The following C4orf50 variants were observed in gnomAD, a reference collection of about 807,000 sequenced individuals.
C4orf50 encodes chromosome 4 open reading frame 50.
C4orf50 carries 80 observed loss-of-function variants against 77.2 expected under a neutral mutation model. That is an observed-to-expected ratio of 1.04 (90% CI 0.87 to 1.25). The LOEUF is 1.25. C4orf50 is among the 50% of genes most tolerant of loss of function. The pLI, the probability that C4orf50 is intolerant of heterozygous loss-of-function variation, is 0.00. For synonymous variants in C4orf50, 532 were observed against 465.3 expected (o/e 1.14, Z -1.84); for missense variants, 1,257 against 1,152.9 (o/e 1.09, Z -1.31).
chr4:5,961,062 C>A (rs115981160), intron 33 of C4orf50, among the ~76,000 whole-genome samples: 3,272 of 152,164 alleles, frequency 0.022, 88 homozygotes, highest in African/African-American at 0.069. Context: ...AGGACAAGGA[C>A]AAGGAACTGA....
chr4:6,010,986 G>C (rs1722472449), intron 24 of C4orf50, among the ~76,000 whole-genome samples: 1 of 152,186 alleles, frequency 6.6e-6, no homozygotes, highest in South Asian at 2.1e-4. Flanking sequence ...GAGAGGTTAA[G>C]TCACTTGCCC....
chr4:6,003,915 G>T (rs1380083819), intron 25 of C4orf50, among the ~76,000 whole-genome samples: 641 of 132,408 alleles, frequency 4.8e-3, no homozygotes, highest in East Asian at 9.5e-3. Context: ...TGATGTTGAT[G>T]ATGGTGGTGA....
At chr4:6,003,591 TTGA>T (rs1217820654) in intron 25 of C4orf50, among the ~76,000 whole-genome samples, 1 of 84,732 alleles carries the variant, frequency 1.2e-5, no homozygotes, top group South Asian at 4.4e-4. Context: ...GATGGTGATG[TTGA>T]TGGTGGTGAT....
At chr4:5,903,248 G>C (rs1163815947) in intron 7 of C4orf50, 1 of 152,260 alleles carries the variant, frequency 6.6e-6, no homozygotes, top group East Asian at 1.9e-4. Context: ...TTTTCCAAGA[G>C]AAGCCAGAAA....
At chr4:5,918,726 C>G (rs1717139196) in intron 7 of C4orf50, among the ~76,000 whole-genome samples, 1 of 152,250 alleles carries the variant, frequency 6.6e-6, no homozygotes, top group South Asian at 2.1e-4. Context: ...TCTCTCCGCC[C>G]TTCTGCATTT....
At chr4:5,946,834 G>A (rs944858999) in intron 7 of C4orf50, among the ~76,000 whole-genome samples, 3 of 152,184 alleles carry the variant, frequency 2.0e-5, no homozygotes, top group African/African-American at 2.4e-5. Flanking sequence ...TTACATCTGC[G>A]ATGAGCACCC....
Position 5,916,009 on chromosome 4 carries a change from G to A in C4orf50, c.*2475-17821C>T, listed in dbSNP as rs1028434976. ...GGCTGCTTGTGAAAGGAACCAAACT[G>A]AAGTTGCCTGGGCAAAAATGGCACA... On this transcript the variant is annotated intron_variant, in intron 7 of 7. Coordinates refer to the C4orf50 transcript ENST00000324058. This position sits in a 1 kb window ranked among gnomAD's most constrained non-coding sequence, Gnocchi z 4.4. 6.6e-6 allele frequency among the ~76,000 whole-genome samples: 1 copy of A among 152,210 alleles called. No homozygotes were observed. The highest frequency in any genetic ancestry group is 6.5e-5 in the Admixed American group (1 of 15,288).
chr4:5,964,678 G>C (rs570197147), intron 33 of C4orf50, among the ~76,000 whole-genome samples: 13 of 148,774 alleles, frequency 8.7e-5, no homozygotes, highest in Non-Finnish European at 1.6e-4. Context: ...TGAGGCAGGA[G>C]AATCGCTTGA....
intron 7 of C4orf50, among the ~76,000 whole-genome samples, chr4:5,920,476 T>C (rs1389120631): frequency 3.3e-5 from 4 of 120,388 alleles, no homozygotes; most frequent in Admixed American, 7.8e-5. Context: ...TAAACATTGC[T>C]TTTTTTTTTT....
chr4:5,925,193 G>A (rs1481098947), intron 7 of C4orf50, among the ~76,000 whole-genome samples: 1 of 152,078 alleles, frequency 6.6e-6, no homozygotes, highest in Non-Finnish European at 1.5e-5. Context: ...AGCTGATGGA[G>A]GGCCTTCTGA....
intron 30 of C4orf50, 52 bp downstream of exon 8, chr4:5,975,847 C>G: frequency 1.5e-6 from 2 of 1,372,260 alleles, no homozygotes; most frequent in Non-Finnish European, 2.1e-6. Flanking sequence ...AACTACTAAA[C>G]TCTCTTTTGT....
At chr4:5,942,559 T>C (rs1202887230) in intron 7 of C4orf50, among the ~76,000 whole-genome samples, 3 of 152,218 alleles carry the variant, frequency 2.0e-5, no homozygotes, top group Admixed American at 1.3e-4. Context: ...GAAATAATAA[T>C]AACATCAAAT....
chr4:5,968,228 G>T (rs757069868), intron 31 of C4orf50, among the ~76,000 whole-genome samples: 1 of 152,136 alleles, frequency 6.6e-6, no homozygotes, highest in Non-Finnish European at 1.5e-5. Context: ...AGATGTCAAG[G>T]CCCAATTCAA....
chr4:5,904,817 A>C (rs1490052856), intron 7 of C4orf50: 1 of 152,186 alleles, frequency 6.6e-6, no homozygotes, highest in Non-Finnish European at 1.5e-5. Context: ...TAATATCAAG[A>C]TAACTACTAC....
intron 7 of C4orf50, among the ~76,000 whole-genome samples, chr4:5,907,029 T>C (rs984512560): frequency 6.6e-6 from 1 of 152,206 alleles, no homozygotes; most frequent in Non-Finnish European, 1.5e-5. Context: ...ATGAGTTCCA[T>C]GCTATGCTCA....
intron 23 of C4orf50, among the ~76,000 whole-genome samples, chr4:6,016,168 C>T (rs544090704): frequency 6.6e-6 from 1 of 152,160 alleles, no homozygotes; most frequent in African/African-American, 2.4e-5. Context: ...TGTTTGGGGT[C>T]TTTATCTCAA....
intron 28 of C4orf50, among the ~76,000 whole-genome samples, chr4:5,983,513 A>G (rs1416277741): frequency 6.6e-6 from 1 of 152,172 alleles, no homozygotes; most frequent in Non-Finnish European, 1.5e-5. Context: ...TCGAAGTCTC[A>G]GCTCAACATT....
At chr4:5,944,311 C>T (rs542816133) in intron 7 of C4orf50, among the ~76,000 whole-genome samples, 43 of 152,312 alleles carry the variant, frequency 2.8e-4, no homozygotes, top group Non-Finnish European at 5.7e-4. Context: ...CCCCTCAGTC[C>T]TCTGCAGGGG....
At chr4:5,907,682 C>T (rs570782985) in intron 7 of C4orf50, among the ~76,000 whole-genome samples, 15 of 152,208 alleles carry the variant, frequency 9.9e-5, no homozygotes, top group African/African-American at 3.6e-4. Context: ...GGAAGAGGTG[C>T]TCTAGATTGA....
Sources: gnomAD v4.1 joint callset for allele counts (sites outside exome capture counted in the v4.1 genomes callset) on GRCh38, gnomAD v4.1.1 for gene constraint, Gnocchi (gnomAD v3.1) non-coding constraint, MANE v1.5 for transcripts, NCBI Gene and HGNC (gene_info 2026-07-23, HGNC 2026-07-21) for gene names.